The following CDH13 variants were observed in gnomAD, a reference collection of about 807,000 sequenced individuals.
CDH13 encodes cadherin 13.
In CDH13, 24 loss-of-function variants were observed where a neutral mutation model predicts 63.8. The observed-to-expected ratio is 0.38, with a 90% confidence interval of 0.27 to 0.53. The LOEUF (loss-of-function observed/expected upper bound fraction) is 0.53, where lower values mean the gene tolerates loss of function less well. Ranked by LOEUF, CDH13 falls within the 20% of genes least tolerant of loss-of-function variation. The pLI, the probability that CDH13 is intolerant of heterozygous loss-of-function variation, is 0.85. For synonymous variants in CDH13, 503 were observed against 355.3 expected (o/e 1.42, Z -4.67); for missense variants, 1,049 against 903.1 (o/e 1.16, Z -2.07).
chr16:83,496,076 C>T (rs1394975550), intron 7 of CDH13, among the ~76,000 whole-genome samples: 1 of 151,592 alleles, frequency 6.6e-6, no homozygotes, highest in Non-Finnish European at 1.5e-5. Flanking sequence ...TGAAAATGGC[C>T]ATACTGCCCA....
At chr16:82,777,688 A>G (rs2035560489) in intron 1 of CDH13, among the ~76,000 whole-genome samples, 1 of 152,190 alleles carries the variant, frequency 6.6e-6, no homozygotes, top group South Asian at 2.1e-4. Context: ...TTTGGGCCAT[A>G]ATCAAGGCTA....
chr16:83,244,215 G>A (rs1904758585), intron 5 of CDH13, among the ~76,000 whole-genome samples: 1 of 151,966 alleles, frequency 6.6e-6, no homozygotes, highest in African/African-American at 2.4e-5. Context: ...AGACTTGTGA[G>A]CTCCAAGAGG....
intron 1 of CDH13, among the ~76,000 whole-genome samples, chr16:82,790,970 G>T (rs2036268564): frequency 6.6e-6 from 1 of 152,156 alleles, no homozygotes; most frequent in Admixed American, 6.5e-5. Flanking sequence ...GTGCCTGGTG[G>T]CTCACGCCTG....
At chr16:83,499,704 A>T (rs2074226713) in intron 7 of CDH13, among the ~76,000 whole-genome samples, 1 of 152,252 alleles carries the variant, frequency 6.6e-6, no homozygotes, top group Non-Finnish European at 1.5e-5. Flanking sequence ...GCACATGCTT[A>T]GGAGGGTAAT....
At position 82,735,950 on chromosome 16, in the gene CDH13, C is replaced by G. The variant is rs538666604; in HGVS notation, c.45+108813C>G. Among the ~76,000 whole-genome samples, 5 of 152,306 alleles carry G rather than the reference C, an allele frequency of 3.3e-5. No individual in the cohort carries two copies. In the East Asian group the frequency reaches 9.6e-4, roughly 29 times the overall value. ...AAAACCAGACGCTATACTCACTAGGCTGATTTAGAGGTTTCTCTGCTCATT... is the reference window on the plus strand; with the variant it reads ...AAAACCAGACGCTATACTCACTAGGGTGATTTAGAGGTTTCTCTGCTCATT... On this transcript the variant is annotated intron_variant, in intron 1 of 13. Transcript: ENST00000567109.
intron 6 of CDH13, among the ~76,000 whole-genome samples, chr16:83,471,282 T>TTC (rs996745091): frequency 6.7e-6 from 1 of 150,116 alleles, no homozygotes; most frequent in African/African-American, 2.5e-5. Flanking sequence ...ACCCTTTTTT[T>TTC]TTTTTTTTTT....
intron 10 of CDH13, among the ~76,000 whole-genome samples, chr16:83,685,080 T>C (rs1310993577): frequency 6.6e-6 from 1 of 152,088 alleles, no homozygotes; most frequent in Non-Finnish European, 1.5e-5. Flanking sequence ...GGATGGGAAA[T>C]GGAGAAAGAA....
chr16:83,170,498 C>A (rs1014058599), intron 4 of CDH13, among the ~76,000 whole-genome samples: 7 of 152,166 alleles, frequency 4.6e-5, no homozygotes, highest in African/African-American at 1.7e-4. Flanking sequence ...AGAAACTCAC[C>A]AATACAATTT....
intron 2 of CDH13, among the ~76,000 whole-genome samples, chr16:82,975,700 T>C (rs1436578345): frequency 6.6e-6 from 1 of 152,208 alleles, no homozygotes; most frequent in Non-Finnish European, 1.5e-5. Flanking sequence ...ATCTGCAGGA[T>C]CCATTGCTGA....
At chr16:83,194,907 G>T (rs1482624245) in intron 4 of CDH13, among the ~76,000 whole-genome samples, 1 of 152,192 alleles carries the variant, frequency 6.6e-6, no homozygotes, top group East Asian at 1.9e-4. Context: ...TCATTGATGT[G>T]CATTCTCCTG....
chr16:83,323,122 A>T (rs2090267571), intron 5 of CDH13, among the ~76,000 whole-genome samples: 1 of 151,918 alleles, frequency 6.6e-6, no homozygotes, highest in Admixed American at 6.6e-5. Flanking sequence ...CCTGTGGCAG[A>T]TTTAGGATTA....
At chr16:82,796,755 C>T (rs189722835) in intron 1 of CDH13, among the ~76,000 whole-genome samples, 10 of 152,196 alleles carry the variant, frequency 6.6e-5, no homozygotes, top group East Asian at 5.8e-4. Context: ...TTTTAGTTGA[C>T]GAATTATAAG....
intron 6 of CDH13, among the ~76,000 whole-genome samples, chr16:83,462,527 A>G (rs1190724359): frequency 6.6e-6 from 1 of 152,214 alleles, no homozygotes; most frequent in Non-Finnish European, 1.5e-5. Flanking sequence ...CAACGCGAGC[A>G]GGAGTTTGAG....
intron 6 of CDH13, chr16:83,383,013 ACCC>A (rs565674234): frequency 6.6e-6 from 1 of 152,086 alleles, no homozygotes; most frequent in Non-Finnish European, 1.5e-5. Flanking sequence ...AAGTGCAGAA[ACCC>A]CGAGTTACAC....
At chr16:83,023,796 C>T (rs1453299764) in intron 2 of CDH13, among the ~76,000 whole-genome samples, 1 of 152,100 alleles carries the variant, frequency 6.6e-6, no homozygotes, top group African/African-American at 2.4e-5. Flanking sequence ...ATCACATGCA[C>T]CCTTTAATAG....
At chr16:83,573,447 G>C (rs1296708654) in intron 7 of CDH13, among the ~76,000 whole-genome samples, 1 of 152,194 alleles carries the variant, frequency 6.6e-6, no homozygotes, top group Non-Finnish European at 1.5e-5. Flanking sequence ...GAAACTACTA[G>C]AGGAAGGACA....
intron 1 of CDH13, among the ~76,000 whole-genome samples, chr16:82,845,888 CTG>C (rs2039236380): frequency 6.6e-6 from 1 of 152,208 alleles, no homozygotes; most frequent in Non-Finnish European, 1.5e-5. Context: ...TCTTACAAAA[CTG>C]TATTTTTCCT....
rs140871269 is a variant in CDH13, at chr16:83,125,732, G to C, written c.483+231G>C. Among the ~76,000 whole-genome samples the C allele has an allele frequency of 7.6e-3, 1,153 of 152,292 alleles. 10 individuals are homozygous for C. Among genetic ancestry groups the C allele is most frequent in the African/African-American group, 0.021 (858 of 41,560 alleles). ...ATATTACGGGATCAACATGGTAGAT[G>C]ATGTTGAAATTAAGCAGGAAGATGT... On this transcript the variant is annotated intron_variant, in intron 4 of 13. Coordinates refer to ENST00000567109, the MANE Select transcript of CDH13 (RefSeq NM_001257.5).
At chr16:83,501,103 C>A (rs117503929) in intron 7 of CDH13, among the ~76,000 whole-genome samples, 2,190 of 152,320 alleles carry the variant, frequency 0.014, 17 homozygotes, top group Non-Finnish European at 0.023. Context: ...CCTGGCTAAA[C>A]GTGATCATCA....
Sources: allele counts gnomAD v4.1 joint callset (sites outside exome capture counted in the v4.1 genomes callset), GRCh38; gene constraint gnomAD v4.1.1; transcripts MANE v1.5; gene names NCBI Gene and HGNC (gene_info 2026-07-23, HGNC 2026-07-21).